The following SPAG16 variants were observed in gnomAD, a reference collection of about 807,000 sequenced individuals.
SPAG16 encodes sperm-associated antigen 16 protein.
In SPAG16, 86 loss-of-function variants were observed where a neutral mutation model predicts 80.4. The observed-to-expected ratio is 1.07, with a 90% CI of 0.90 to 1.28. The LOEUF (loss-of-function observed/expected upper bound fraction) is 1.28. Ranked by LOEUF, SPAG16 falls within the 50% of genes most tolerant of loss-of-function variation. The pLI, the probability that SPAG16 is intolerant of heterozygous loss-of-function variation, is 0.00. For missense variants in SPAG16, 870 were observed against 765.3 expected, an observed-to-expected ratio of 1.14 and a Z score of -1.61; for synonymous variants, 294 against 265.9, an observed-to-expected ratio of 1.11 and a Z score of -1.03.
chr2:213,344,539 C>A (rs569609157), intron 6 of SPAG16, among the ~76,000 whole-genome samples: 2 of 152,196 alleles, frequency 1.3e-5, no homozygotes, highest in East Asian at 3.9e-4. Flanking sequence ...CTTCCCACAC[C>A]CCACAACAGG....
chr2:213,453,242 T>C (rs1295466070), intron 9 of SPAG16, among the ~76,000 whole-genome samples: 4 of 152,222 alleles, frequency 2.6e-5, no homozygotes, highest in Non-Finnish European at 5.9e-5. Flanking sequence ...TGTCTCTTTT[T>C]GTCCATTGTT....
intron 10 of SPAG16, among the ~76,000 whole-genome samples, chr2:213,860,056 A>G (rs918477418): frequency 1.3e-5 from 2 of 150,062 alleles, no homozygotes; most frequent in African/African-American, 4.9e-5. Context: ...GAATAACACA[A>G]TTTCTGTACG....
intron 15 of SPAG16, among the ~76,000 whole-genome samples, chr2:214,209,295 T>C (rs2058227141): frequency 1.3e-5 from 2 of 152,128 alleles, no homozygotes; most frequent in Admixed American, 6.6e-5. Context: ...CCCAGCCTAA[T>C]TGTAGAGAAA....
At chr2:213,743,047 G>A (rs2067649255) in intron 10 of SPAG16, among the ~76,000 whole-genome samples, 1 of 152,034 alleles carries the variant, frequency 6.6e-6, no homozygotes, top group East Asian at 1.9e-4. Flanking sequence ...GGGACTACAG[G>A]CGCCCGCCAC....
chr2:213,982,374 CTATTA>C (rs147531706), intron 12 of SPAG16, among the ~76,000 whole-genome samples: 3,737 of 151,912 alleles, frequency 0.025, 146 homozygotes, highest in African/African-American at 0.086. Context: ...AATGTAATAT[CTATTA>C]TATTCTCAAT....
At chr2:214,331,585 C>T (rs1020721141) in intron 15 of SPAG16, among the ~76,000 whole-genome samples, 4 of 152,140 alleles carry the variant, frequency 2.6e-5, no homozygotes, top group African/African-American at 9.7e-5. Context: ...TATTCCTATC[C>T]ACTGGGAACA....
At chr2:214,146,894 C>G (rs1576346608) in intron 14 of SPAG16, among the ~76,000 whole-genome samples, 1 of 151,550 alleles carries the variant, frequency 6.6e-6, no homozygotes, top group South Asian at 2.1e-4. Context: ...CCCAGCTACT[C>G]ACGAGGCTGA....
chr2:213,966,758 G>C (rs2044730972), intron 12 of SPAG16, among the ~76,000 whole-genome samples: 1 of 152,068 alleles, frequency 6.6e-6, no homozygotes, highest in South Asian at 2.1e-4. Context: ...ATTGCTTGGT[G>C]GCTGCTAGCA....
At chr2:214,132,717 G>A (rs1238174510) in intron 14 of SPAG16, among the ~76,000 whole-genome samples, 3 of 152,198 alleles carry the variant, frequency 2.0e-5, no homozygotes, top group African/African-American at 7.2e-5. Flanking sequence ...ATAGCCAATA[G>A]AGTAACATAT....
chr2:213,654,241 A>G (rs1574662163), intron 10 of SPAG16, among the ~76,000 whole-genome samples: 2 of 152,228 alleles, frequency 1.3e-5, no homozygotes, highest in Non-Finnish European at 2.9e-5. Flanking sequence ...GTATGTCAAT[A>G]CAAAGGGTTC....
At chr2:213,862,357 T>G in intron 10 of SPAG16, 128 bp from the exon 11 acceptor site, 5 of 1,145,712 alleles carry the variant, frequency 4.4e-6, no homozygotes, top group Non-Finnish European at 6.2e-6. Context: ...CCTCTTATTT[T>G]GGGGCCAGTA....
At chr2:213,340,309 T>C in intron 6 of SPAG16, 39 bp downstream of exon 6, 1 of 1,303,924 alleles carries the variant, frequency 7.7e-7, no homozygotes, top group South Asian at 1.3e-5. Flanking sequence ...TAAAGAGTTA[T>C]TTAATACATG....
intron 13 of SPAG16, among the ~76,000 whole-genome samples, chr2:214,039,170 G>A (rs893092901): frequency 1.3e-5 from 2 of 152,152 alleles, no homozygotes; most frequent in Non-Finnish European, 2.9e-5. Flanking sequence ...CAGTGTAAAA[G>A]TGTTCCTATT....
At chr2:213,899,209 T>C (rs1021639691) in intron 11 of SPAG16, among the ~76,000 whole-genome samples, 1 of 151,960 alleles carries the variant, frequency 6.6e-6, no homozygotes, top group African/African-American at 2.4e-5. Context: ...TGAAGAATAA[T>C]ATTTGGGTGA....
At chr2:213,835,536 T>C (rs1049613295) in intron 10 of SPAG16, among the ~76,000 whole-genome samples, 1 of 152,150 alleles carries the variant, frequency 6.6e-6, no homozygotes, top group Non-Finnish European at 1.5e-5. Context: ...TAACACATTA[T>C]GGTCTCCCTG....
chr2:214,196,385 T>C (rs2125709281), intron 15 of SPAG16, among the ~76,000 whole-genome samples: 1 of 152,170 alleles, frequency 6.6e-6, no homozygotes, highest in African/African-American at 2.4e-5. Context: ...TAGATACCAC[T>C]TAACAAATAC....
intron 9 of SPAG16, among the ~76,000 whole-genome samples, chr2:213,416,188 C>T (rs1037104101): frequency 6.6e-6 from 1 of 152,204 alleles, no homozygotes; most frequent in East Asian, 1.9e-4. Flanking sequence ...GACATTCTCT[C>T]AGGAGTCTGA....
chr2:213,907,970 T>A (rs1320037089), intron 11 of SPAG16, among the ~76,000 whole-genome samples: 1 of 152,190 alleles, frequency 6.6e-6, no homozygotes, highest in Admixed American at 6.5e-5. Flanking sequence ...TAATTAACAA[T>A]AATTTGCTGT....
At chr2:214,052,083 A>G (rs2049677854) in intron 13 of SPAG16, among the ~76,000 whole-genome samples, 1 of 152,226 alleles carries the variant, frequency 6.6e-6, no homozygotes, top group Non-Finnish European at 1.5e-5. Context: ...CATGTCAAGT[A>G]GGACAATGAT....
Sources: gnomAD v4.1 joint callset for allele counts (sites outside exome capture counted in the v4.1 genomes callset) on GRCh38, gnomAD v4.1.1 for gene constraint, MANE v1.5 for transcripts, NCBI Gene and HGNC (gene_info 2026-07-23, HGNC 2026-07-21) for gene names.